Variants in VAV3 observed in about 807,000 individuals in gnomAD.
The protein encoded by VAV3 is guanine nucleotide exchange factor VAV3.
VAV3 carries 94 observed loss-of-function variants against 131.2 expected under a neutral mutation model. The ratio of observed to expected loss-of-function variants is 0.72; its 90% CI spans 0.61 to 0.85. The LOEUF (loss-of-function observed/expected upper bound fraction) is 0.85. VAV3 is among the 40% of genes least tolerant of loss of function. The pLI, the probability that VAV3 is intolerant of heterozygous loss-of-function variation, is 0.00. For missense variants in VAV3, 939 were observed against 1,002.7 expected (o/e 0.94, Z 0.86); for synonymous variants, 349 against 342.0 (o/e 1.02, Z -0.22).
At chr1:107,906,245 CTTGTTTTGTTTTGTT>C (rs59790141) in intron 1 of VAV3, among the ~76,000 whole-genome samples, 4 of 151,970 alleles carry the variant, frequency 2.6e-5, no homozygotes, top group Non-Finnish European at 4.4e-5. Context: ...TAAGCCAAGG[CTTGTTTTGTTTTGTT>C]TTGTTTTGTT....
chr1:107,960,335 A>G (rs1675023320), intron 1 of VAV3, among the ~76,000 whole-genome samples: 1 of 152,064 alleles, frequency 6.6e-6, no homozygotes, highest in Non-Finnish European at 1.5e-5. Context: ...GAGTAGTGGC[A>G]CGTGCCTGTA....
chr1:107,795,419 A>G (rs1666489117), intron 2 of VAV3, among the ~76,000 whole-genome samples: 2 of 151,810 alleles, frequency 1.3e-5, no homozygotes, highest in Admixed American at 6.6e-5. Context: ...TCTACCTTAT[A>G]TTGGCTTCTG....
intron 4 of VAV3, among the ~76,000 whole-genome samples, chr1:107,774,081 T>C (rs1420050324): frequency 6.6e-6 from 1 of 152,074 alleles, no homozygotes; most frequent in African/African-American, 2.4e-5. Flanking sequence ...TTGTTGTTGT[T>C]TGGGGGACAG....
intron 19 of VAV3, among the ~76,000 whole-genome samples, chr1:107,656,085 C>T (rs1656528890): frequency 6.6e-6 from 1 of 152,094 alleles, no homozygotes; most frequent in South Asian, 2.1e-4. Context: ...AATGATCCAC[C>T]AATTCCACTA....
intron 19 of VAV3, among the ~76,000 whole-genome samples, chr1:107,648,544 C>T (rs1655911763): frequency 6.6e-6 from 1 of 152,024 alleles, no homozygotes; most frequent in South Asian, 2.1e-4. Context: ...TGGCAGACCC[C>T]TGGCAAACAG....
chr1:107,800,439 T>C (rs755955745), intron 2 of VAV3, among the ~76,000 whole-genome samples: 1 of 152,152 alleles, frequency 6.6e-6, no homozygotes, highest in Non-Finnish European at 1.5e-5. Context: ...TTTTCTGTGA[T>C]TATTAGTGAT....
At chr1:107,793,870 T>C (rs1002550634) in intron 2 of VAV3, among the ~76,000 whole-genome samples, 1 of 152,178 alleles carries the variant, frequency 6.6e-6, no homozygotes, top group Non-Finnish European at 1.5e-5. Flanking sequence ...GGAGTAAATC[T>C]GGGAGATAGT....
chr1:107,901,630 A>G (rs961597975), intron 1 of VAV3, among the ~76,000 whole-genome samples: 1 of 152,252 alleles, frequency 6.6e-6, no homozygotes, highest in Non-Finnish European at 1.5e-5. Flanking sequence ...TGGGTATTTA[A>G]GAATAAAATA....
At chr1:107,687,214 T>TTTAAAATATAATCAACAGATGCACTGA (rs1415563224) in intron 18 of VAV3, among the ~76,000 whole-genome samples, 2 of 152,144 alleles carry the variant, frequency 1.3e-5, no homozygotes, top group Admixed American at 1.3e-4. Context: ...GACTTTAGGT[T>TTTAAAATATAATCAACAGATGCACTGA]TTAAAATATA....
In VAV3 at chr1:107,749,718, A is replaced by G. The variant is rs1663588386; in HGVS notation, c.1260-124T>C. ...TTAAAGACAACAGGTAGTATCATAC[A>G]CTGAAAACAACGGGGTATTTGAGGT... is the stretch of plus-strand genomic sequence containing the variant. On this transcript the variant is annotated intron_variant, in intron 13 of 26. Transcript: ENST00000370056. 1.4e-5 allele frequency: 15 copies of G among 1,045,378 alleles called. 1 individual carries two copies. In the South Asian group the frequency reaches 2.0e-4, roughly 14 times the overall value. 64.8% of individuals were successfully genotyped at this position (1,045,378 alleles called of 1,614,324 possible).
intron 1 of VAV3, among the ~76,000 whole-genome samples, chr1:107,897,662 A>G (rs774605943): frequency 2.2e-4 from 34 of 152,106 alleles, no homozygotes; most frequent in Non-Finnish European, 4.3e-4. Flanking sequence ...ACGGTAACTC[A>G]GTAAGTGCAT....
At chr1:107,739,217 A>T (rs1662861710) in intron 15 of VAV3, among the ~76,000 whole-genome samples, 1 of 152,222 alleles carries the variant, frequency 6.6e-6, no homozygotes, top group Non-Finnish European at 1.5e-5. Flanking sequence ...AGAGAGCTTG[A>T]TCCTCACTAG....
chr1:107,640,518 A>G (rs1655266032), intron 20 of VAV3, among the ~76,000 whole-genome samples: 1 of 152,226 alleles, frequency 6.6e-6, no homozygotes, highest in Non-Finnish European at 1.5e-5. Flanking sequence ...AAGGGGCACA[A>G]AAACTTTTAG....
intron 1 of VAV3, among the ~76,000 whole-genome samples, chr1:107,924,862 T>C (rs576097759): frequency 6.6e-6 from 1 of 152,186 alleles, no homozygotes; most frequent in South Asian, 2.1e-4. Context: ...TGGCAAATGC[T>C]GTGTAATACA....
At chr1:107,762,973 T>G (rs766163809) in intron 9 of VAV3, among the ~76,000 whole-genome samples, 1 of 152,126 alleles carries the variant, frequency 6.6e-6, no homozygotes, top group Non-Finnish European at 1.5e-5. Flanking sequence ...TCATCGCCCT[T>G]CACCCCATGT....
chr1:107,673,246 C>T (rs1657951305), intron 19 of VAV3, among the ~76,000 whole-genome samples: 1 of 152,226 alleles, frequency 6.6e-6, no homozygotes, highest in African/African-American at 2.4e-5. Context: ...GCCCATGTCA[C>T]TCCTCTGGAT....
chr1:107,666,959 T>C (rs1380497366), intron 19 of VAV3, among the ~76,000 whole-genome samples: 2 of 152,182 alleles, frequency 1.3e-5, no homozygotes, highest in South Asian at 2.1e-4. Context: ...TCTGTATCAT[T>C]GATTTTCAAA....
At chr1:107,919,450 TA>T (rs1672782608) in intron 1 of VAV3, among the ~76,000 whole-genome samples, 1 of 152,232 alleles carries the variant, frequency 6.6e-6, no homozygotes, top group African/African-American at 2.4e-5. Context: ...GAAAGTTGTC[TA>T]AAACCCTGGA....
chr1:107,728,994 G>GT (rs1052167181), intron 15 of VAV3, among the ~76,000 whole-genome samples: 3 of 151,910 alleles, frequency 2.0e-5, no homozygotes, highest in Non-Finnish European at 2.9e-5. Context: ...AAACAGTTTA[G>GT]TTTTTTTTCT....
Sources: allele counts gnomAD v4.1 joint callset (sites outside exome capture counted in the v4.1 genomes callset), GRCh38; gene constraint gnomAD v4.1.1; transcripts MANE v1.5; gene names NCBI Gene and HGNC (gene_info 2026-07-23, HGNC 2026-07-21).